The following MGST1 variants were observed in gnomAD, a reference collection of about 807,000 sequenced individuals.
The protein encoded by MGST1 is glutathione S-transferase 12.
MGST1 carries 5 observed loss-of-function variants against 8.9 expected under a neutral mutation model. The observed-to-expected ratio is 0.56, with a 90% CI of 0.29 to 1.19. The LOEUF (loss-of-function observed/expected upper bound fraction) is 1.19, where lower values mean the gene tolerates loss of function less well. Ranked by LOEUF, MGST1 falls within the 50% of genes most tolerant of loss-of-function variation. The probability of loss-of-function intolerance (pLI) is 0.08; values close to 1 mark genes in which losing one functional copy is unlikely to be tolerated. For synonymous variants in MGST1, 54 were observed against 67.8 expected (o/e 0.80, Z 1.00); for missense variants, 182 against 187.4 (o/e 0.97, Z 0.17).
At chr12:16,449,793 C>T (rs1941114984) in intron 4 of MGST1, among the ~76,000 whole-genome samples, 1 of 151,964 alleles carries the variant, frequency 6.6e-6, no homozygotes, top group Admixed American at 6.6e-5. Flanking sequence ...CCCCATTCTT[C>T]CATTCTCCCA....
chr12:16,456,771 T>C (rs1941177283), intron 4 of MGST1, among the ~76,000 whole-genome samples: 1 of 151,934 alleles, frequency 6.6e-6, no homozygotes, highest in Non-Finnish European at 1.5e-5. Flanking sequence ...TTTTTTTAAA[T>C]GGCAACCTCA....
intron 4 of MGST1, among the ~76,000 whole-genome samples, chr12:16,557,679 A>C (rs1357002874): frequency 6.6e-6 from 1 of 152,094 alleles, no homozygotes; most frequent in Non-Finnish European, 1.5e-5. Context: ...TAAATTATAA[A>C]AATAACTAAC....
intron 4 of MGST1, among the ~76,000 whole-genome samples, chr12:16,509,167 A>G (rs1242987734): frequency 6.6e-6 from 1 of 152,220 alleles, no homozygotes; most frequent in African/African-American, 2.4e-5. Flanking sequence ...TTGTTTAAAG[A>G]AAACATAATA....
At chr12:16,424,565 C>T (rs1490998135) in intron 1 of MGST1, among the ~76,000 whole-genome samples, 1 of 152,154 alleles carries the variant, frequency 6.6e-6, no homozygotes, top group Non-Finnish European at 1.5e-5. Context: ...TGTTACTTCT[C>T]CCTACTCACT....
intron 4 of MGST1, among the ~76,000 whole-genome samples, chr12:16,534,428 CCCA>C (rs962721056): frequency 3.3e-4 from 51 of 152,246 alleles, no homozygotes; most frequent in African/African-American, 1.0e-3. Context: ...TGGCTGGATT[CCCA>C]CCACTAGGTG....
chr12:16,433,520 G>A (rs1158061910), intron 1 of MGST1, among the ~76,000 whole-genome samples: 1 of 152,010 alleles, frequency 6.6e-6, no homozygotes, highest in Non-Finnish European at 1.5e-5. Flanking sequence ...AGGCAATCAG[G>A]CAGTAGAAAT....
At chr12:16,371,997 C>T (rs986926607) in intron 3 of MGST1, among the ~76,000 whole-genome samples, 3 of 151,960 alleles carry the variant, frequency 2.0e-5, no homozygotes, top group Admixed American at 2.0e-4. Flanking sequence ...AAAAAGGAAA[C>T]TAGACCTCTA....
downstream of MGST1, among the ~76,000 whole-genome samples, chr12:16,366,535 T>G (rs1321646554): frequency 6.6e-6 from 1 of 152,068 alleles, no homozygotes; most frequent in East Asian, 1.9e-4. This position sits in a 1 kb window ranked among gnomAD's most constrained non-coding sequence, Gnocchi z 4.0. Context: ...CTATTACTTA[T>G]GAGGAATAGG....
Position 16,413,407 on chromosome 12 carries a change from A to T in MGST1, n.779-23981A>T, listed in dbSNP as rs1940759255. On this transcript the variant is annotated intron_variant and non_coding_transcript_variant, in intron 1 of 1. Coordinates refer to the MGST1 transcript ENST00000359720. This position sits in a 1 kb window ranked among gnomAD's most constrained non-coding sequence, Gnocchi z 4.0. ...CGCAAGATTTTGCTAACTCTCATCC[A>T]AGCAGCCCCATTGTGAACAGAACAC... Among the ~76,000 whole-genome samples, 1 of 152,202 alleles carries T rather than the reference A, an allele frequency of 6.6e-6. No individual in the cohort carries two copies. The highest frequency in any genetic ancestry group is 6.5e-5 in the Admixed American group (1 of 15,278).
chr12:16,532,234 C>T (rs1317557480), intron 4 of MGST1, among the ~76,000 whole-genome samples: 4 of 152,032 alleles, frequency 2.6e-5, no homozygotes, highest in African/African-American at 9.7e-5. Context: ...GGGAGAAAAC[C>T]TCTCTCCCAT....
chr12:16,425,563 T>C (rs559295800), intron 1 of MGST1, among the ~76,000 whole-genome samples: 5 of 152,162 alleles, frequency 3.3e-5, no homozygotes, highest in Non-Finnish European at 7.3e-5. Flanking sequence ...GGATTACAAG[T>C]GTGGGCCACC....
At chr12:16,425,839 A>G (rs1162882060) in intron 1 of MGST1, among the ~76,000 whole-genome samples, 1 of 152,200 alleles carries the variant, frequency 6.6e-6, no homozygotes, top group African/African-American at 2.4e-5. Context: ...CCCATTTTCT[A>G]TTCACACAAG....
intron 4 of MGST1, among the ~76,000 whole-genome samples, chr12:16,468,544 A>T (rs1337132293): frequency 6.6e-6 from 1 of 152,194 alleles, no homozygotes; most frequent in Non-Finnish European, 1.5e-5. Flanking sequence ...CATTATGATC[A>T]ACATTTTTAT....
At chr12:16,457,073 C>T (rs962321496) in intron 4 of MGST1, among the ~76,000 whole-genome samples, 1 of 151,890 alleles carries the variant, frequency 6.6e-6, no homozygotes, top group Non-Finnish European at 1.5e-5. Context: ...TTGGACCATC[C>T]TTTTAATACA....
chr12:16,405,863 C>T (rs1940694587), intron 1 of MGST1, among the ~76,000 whole-genome samples: 1 of 152,086 alleles, frequency 6.6e-6, no homozygotes, highest in South Asian at 2.1e-4. Context: ...AATTCAACAT[C>T]GCTTCATATT....
chr12:16,361,174 G>T lies in MGST1; in HGVS notation c.222-2621G>T, dbSNP rs1398567692. Among the ~76,000 whole-genome samples, 1 of 152,202 alleles carries T rather than the reference G, an allele frequency of 6.6e-6. No individual in the cohort carries two copies. Among genetic ancestry groups the T allele is most frequent in the Non-Finnish European group, 1.5e-5 (1 of 68,040 alleles). ...TTGTGAGAATGTGAACACATGGCTG[G>T]CTATGTGCTGAGGGTGAAGAGCTTT... On this transcript the variant is annotated intron_variant, in intron 3 of 3. Coordinates refer to ENST00000396210, the MANE Select transcript of MGST1 (RefSeq NM_020300.5). This position sits in a 1 kb window ranked among gnomAD's most constrained non-coding sequence, Gnocchi z 4.2.
intron 4 of MGST1, among the ~76,000 whole-genome samples, chr12:16,542,584 A>G (rs1941799082): frequency 6.6e-6 from 1 of 152,170 alleles, no homozygotes; most frequent in Non-Finnish European, 1.5e-5. Flanking sequence ...TTTCACGTTC[A>G]GTCAACTACC....
exon 4 of MGST1, chr12:16,376,935 G>A (rs1029098631): frequency 3.9e-5 from 6 of 151,924 alleles, no homozygotes; most frequent in African/African-American, 4.8e-5. Flanking sequence ...TTACTATACT[G>A]TTCTCATTCC....
intron 4 of MGST1, among the ~76,000 whole-genome samples, chr12:16,532,425 T>G (rs1289521301): frequency 1.3e-5 from 2 of 152,128 alleles, no homozygotes; most frequent in Non-Finnish European, 2.9e-5. Flanking sequence ...AACTTCAGAT[T>G]GGACTAAGGA....
Sources: allele counts gnomAD v4.1 joint callset (sites outside exome capture counted in the v4.1 genomes callset), GRCh38; gene constraint gnomAD v4.1.1; non-coding constraint Gnocchi (gnomAD v3.1); transcripts MANE v1.5; gene names NCBI Gene and HGNC (gene_info 2026-07-23, HGNC 2026-07-21).